The following FBXL4 variants were observed in gnomAD, a reference collection of about 807,000 sequenced individuals.
FBXL4 encodes the protein F-box and leucine rich repeat protein 4.
A neutral mutation model predicts 58.9 loss-of-function variants in FBXL4; 40 were observed. The observed-to-expected ratio is 0.68, with a 90% CI of 0.53 to 0.88. The LOEUF is 0.88. FBXL4 is among the 40% of genes least tolerant of loss of function. The pLI, the probability that FBXL4 is intolerant of heterozygous loss-of-function variation, is 0.00. For missense variants in FBXL4, 676 were observed against 734.4 expected, an observed-to-expected ratio of 0.92 and a Z score of 0.92; for synonymous variants, 263 against 265.5, an observed-to-expected ratio of 0.99 and a Z score of 0.09.
rs186727069 is a variant in FBXL4 at position 98,905,492 on chromosome 6, A to G, written c.1037T>C (p.Leu346Pro). Residue 346 changes from leucine (L) to proline (P), a missense_variant, in exon 6 of 10, where the codon CTT becomes CCT. Physicochemically the swap from Leu to Pro is moderately conservative, Grantham distance 98. Coordinates refer to ENST00000369244, the MANE Select transcript of FBXL4 (RefSeq NM_001278716.2). ...SLEFLQSRCTLVQWLNLSWTG... is the reference protein window; with the variant it reads ...SLEFLQSRCTPVQWLNLSWTG... ...CCAAGATAAATTAAGCCACTGGACA[A>G]GAGTGCAGCGAGACTGTAGAAATTC... 35 of 1,614,066 alleles carry G rather than the reference A, an allele frequency of 2.2e-5. No individual in the cohort carries two copies. Among genetic ancestry groups the G allele is most frequent in the Admixed American group, 1.2e-4 (7 of 59,996 alleles).
At chr6:98,920,716 T>G (rs114066907) in intron 4 of FBXL4, among the ~76,000 whole-genome samples, 2 of 152,212 alleles carry the variant, frequency 1.3e-5, no homozygotes, top group African/African-American at 4.8e-5. Context: ...TATGAGAATT[T>G]CTTTTTATTC....
chr6:98,905,507 T>G lies in FBXL4; in HGVS notation c.1022A>C (p.Gln341Pro), dbSNP rs984719896. 1.2e-6 allele frequency: 2 copies of G among 1,613,924 alleles called. No individual in the cohort carries two copies. Among genetic ancestry groups the G allele is most frequent in the African/African-American group, 2.7e-5 (2 of 74,910 alleles). The change falls in exon 6 of 10, where the codon CAG becomes CCG. Residue 341 changes from glutamine to proline, a missense_variant. Coordinates refer to ENST00000369244, the MANE Select transcript of FBXL4 (RefSeq NM_001278716.2). Reference sequence around the variant, plus strand: ...CCACTGGACAAGAGTGCAGCGAGACTGTAGAAATTCCAGAGAAGTGTCATC... The same window carrying G: ...CCACTGGACAAGAGTGCAGCGAGACGGTAGAAATTCCAGAGAAGTGTCATC... ...KLDDTSLEFL[Q>P]SRCTLVQWLN...
At chr6:98,881,338 A>G (rs756984396) in intron 7 of FBXL4, among the ~76,000 whole-genome samples, 9 of 152,206 alleles carry the variant, frequency 5.9e-5, no homozygotes, top group Non-Finnish European at 1.3e-4. Flanking sequence ...ATTTTTTTAA[A>G]AAAGTCTGCT....
At chr6:98,926,343 A>G in intron 4 of FBXL4, 134 bp downstream of exon 4, 1 of 910,514 alleles carries the variant, frequency 1.1e-6, no homozygotes, top group Non-Finnish European at 1.6e-6. Context: ...TCCCCATCAG[A>G]AAACTAAGGA....
chr6:98,938,045 T>TTTG (rs1475228627), intron 1 of FBXL4, among the ~76,000 whole-genome samples: 1 of 134,462 alleles, frequency 7.4e-6, no homozygotes, highest in Non-Finnish European at 1.7e-5. Flanking sequence ...TGCACCCTTT[T>TTTG]TTTTTTTTTT....
At chr6:98,908,630 C>A (rs745377519) in intron 5 of FBXL4, among the ~76,000 whole-genome samples, 3 of 152,034 alleles carry the variant, frequency 2.0e-5, no homozygotes, top group Non-Finnish European at 4.4e-5. Context: ...TGAAAGTACC[C>A]TTTTGCTTAT....
chr6:98,947,127 T>C (rs1773650225), intron 1 of FBXL4, among the ~76,000 whole-genome samples: 1 of 152,250 alleles, frequency 6.6e-6, no homozygotes, highest in Non-Finnish European at 1.5e-5. Flanking sequence ...CATCTTCACC[T>C]TCTATAATAG....
chr6:98,931,693 C>T (rs1195228840), intron 2 of FBXL4, among the ~76,000 whole-genome samples: 3 of 152,178 alleles, frequency 2.0e-5, no homozygotes, highest in Non-Finnish European at 4.4e-5. Flanking sequence ...AAACCCATTG[C>T]TAACGTCCTT....
At chr6:98,943,344 G>T (rs531437233) in intron 1 of FBXL4, among the ~76,000 whole-genome samples, 1 of 151,758 alleles carries the variant, frequency 6.6e-6, no homozygotes, top group Non-Finnish European at 1.5e-5. Context: ...AGGCCAAGGC[G>T]GGTGGATCAC....
chr6:98,916,003 GA>G (rs746575115), intron 5 of FBXL4, among the ~76,000 whole-genome samples: 2 of 152,184 alleles, frequency 1.3e-5, no homozygotes, highest in Non-Finnish European at 2.9e-5. Flanking sequence ...AAAAGTGGGT[GA>G]AGGATATGAA....
At chr6:98,931,353 A>T (rs544196113) in intron 2 of FBXL4, among the ~76,000 whole-genome samples, 1 of 152,340 alleles carries the variant, frequency 6.6e-6, no homozygotes, top group African/African-American at 2.4e-5. Flanking sequence ...AGTTAAGCAA[A>T]ATTTTGCATT....
intron 1 of FBXL4, among the ~76,000 whole-genome samples, chr6:98,936,429 C>T (rs562904946): frequency 6.6e-6 from 1 of 152,288 alleles, no homozygotes; most frequent in African/African-American, 2.4e-5. Flanking sequence ...TAACCCTTAA[C>T]ACAGGTTTGA....
At position 98,917,810 on chromosome 6, in the gene FBXL4, T is replaced by G. The variant is rs559407968; in HGVS notation, c.513-91A>C. On this transcript the variant is annotated intron_variant, in intron 4 of 9. Transcript: ENST00000369244. Reference sequence around the variant, plus strand: ...TAGACCCATGCCCAATATGTCACAGTGTGAAACAAAGTCATCAAAATAAAT... The same window carrying G: ...TAGACCCATGCCCAATATGTCACAGGGTGAAACAAAGTCATCAAAATAAAT... The G allele has an allele frequency of 1.2e-3, 1,081 of 866,872 alleles. 2 individuals carry two copies. The highest frequency in any genetic ancestry group is 1.5e-3 in the Non-Finnish European group (892 of 579,794). 53.7% of individuals were successfully genotyped at this position (866,872 alleles called of 1,614,324 possible). A position where few individuals can be genotyped will look rare whatever the true frequency, so the allele number is the denominator to read the frequency against.
chr6:98,916,727 GT>G (rs1772369119), intron 5 of FBXL4, among the ~76,000 whole-genome samples: 1 of 151,454 alleles, frequency 6.6e-6, no homozygotes, highest in African/African-American at 2.4e-5. Context: ...TAAATGACGA[GT>G]TGATGGGTGC....
At chr6:98,889,538 T>C (rs1771151559) in intron 7 of FBXL4, among the ~76,000 whole-genome samples, 1 of 151,850 alleles carries the variant, frequency 6.6e-6, no homozygotes, top group Non-Finnish European at 1.5e-5. Flanking sequence ...AAAATTAGCT[T>C]GGCACGGTGG....
intron 8 of FBXL4, among the ~76,000 whole-genome samples, chr6:98,880,193 T>C (rs540786148): frequency 6.6e-6 from 1 of 152,144 alleles, no homozygotes; most frequent in Non-Finnish European, 1.5e-5. Flanking sequence ...AAAGCTAAAA[T>C]GAGCTTAGTG....
chr6:98,896,592 CTTTAAT>C, intron 7 of FBXL4: 1 of 218,202 alleles, frequency 4.6e-6, no homozygotes, highest in Non-Finnish European at 7.8e-6. Flanking sequence ...ATAACAGCAT[CTTTAAT>C]TTTAAGTCAA....
chr6:98,903,732 G>A (rs1384041751), intron 6 of FBXL4, among the ~76,000 whole-genome samples: 2 of 152,006 alleles, frequency 1.3e-5, no homozygotes, highest in Admixed American at 6.6e-5. Context: ...TATTTTACTC[G>A]TTATTATCAC....
At chr6:98,937,740 A>G (rs765702517) in intron 1 of FBXL4, among the ~76,000 whole-genome samples, 32 of 152,232 alleles carry the variant, frequency 2.1e-4, no homozygotes, top group Non-Finnish European at 4.6e-4. Context: ...ATCTCTATAC[A>G]GTACCAATCC....
Sources: allele counts gnomAD v4.1 joint callset (sites outside exome capture counted in the v4.1 genomes callset), GRCh38; gene constraint gnomAD v4.1.1; transcripts MANE v1.5; gene names NCBI Gene and HGNC (gene_info 2026-07-23, HGNC 2026-07-21).